Variants in NDUFAF6 observed in about 807,000 individuals in gnomAD.
The protein encoded by NDUFAF6 is NADH dehydrogenase (ubiquinone) complex I, assembly factor 6.
A neutral mutation model predicts 40.8 loss-of-function variants in NDUFAF6; 45 were observed. The observed-to-expected ratio is 1.10, with a 90% CI of 0.87 to 1.42. The LOEUF is 1.42. Among genes scored for constraint, NDUFAF6 ranks in the 40% most tolerant of loss-of-function variants. The pLI is 0.00. For missense variants in NDUFAF6, 435 were observed against 418.5 expected (o/e 1.04, Z -0.34); for synonymous variants, 185 against 155.9 (o/e 1.19, Z -1.39).
In NDUFAF6 at chr8:94,931,336, T is replaced by G. The variant is rs79118914; in HGVS notation, c.-935-14147T>G. Among the ~76,000 whole-genome samples, 1,134 of 152,296 alleles carry G rather than the reference T, an allele frequency of 7.4e-3. 6 individuals carry two copies. Among genetic ancestry groups the G allele is most frequent in the African/African-American group, 0.026 (1,080 of 41,570 alleles). ...TAGAATAAATCTCTTAAGTTTTTCT[T>G]TATCTCACAACAGGGCACATTTTGA... On this transcript the variant is annotated intron_variant, in intron 1 of 14. Coordinates refer to the NDUFAF6 transcript ENST00000396113.
At chr8:95,023,408 AAAAACATTAACTTGG>A (rs1827780129), upstream of NDUFAF6, 1 of 152,394 alleles carries the variant, frequency 6.6e-6, no homozygotes, top group South Asian at 2.1e-4. Context: ...GGGTTTAAAC[AAAAACATTAACTTGG>A]AGTCACAAAG....
chr8:95,007,659 G>GTTTTTTTTTTTTTTTTT (rs553474402), intron 2 of NDUFAF6, among the ~76,000 whole-genome samples: 1 of 103,788 alleles, frequency 9.6e-6, no homozygotes, highest in Non-Finnish European at 1.9e-5. Flanking sequence ...GTGAGGCTCT[G>GTTTTTTTTTTTTTTTTT]TTTTTTTTTT....
At chr8:95,093,572 A>AT (rs974571592) in intron 2 of NDUFAF6, among the ~76,000 whole-genome samples, 5 of 152,126 alleles carry the variant, frequency 3.3e-5, no homozygotes, top group Middle Eastern at 6.3e-3. Context: ...ATTCCAAAAG[A>AT]TTTTTTTATC....
chr8:94,972,202 A>C (rs1824526270), intron 1 of NDUFAF6, among the ~76,000 whole-genome samples: 1 of 152,196 alleles, frequency 6.6e-6, no homozygotes, highest in Non-Finnish European at 1.5e-5. Flanking sequence ...TCCATGGAGT[A>C]GCAAGGCAGA....
At chr8:94,903,359 G>T (rs548130189) in intron 1 of NDUFAF6, among the ~76,000 whole-genome samples, 2 of 151,652 alleles carry the variant, frequency 1.3e-5, no homozygotes, top group East Asian at 1.9e-4. Context: ...ACCCTGTCTC[G>T]AAAAAAACAA....
Position 95,002,976 on chromosome 8 carries a change from A to G in NDUFAF6, c.-84+22003A>G, listed in dbSNP as rs369120336. Among the ~76,000 whole-genome samples the G allele has an allele frequency of 1.1e-4, 16 of 152,264 alleles. 1 individual carries two copies. Among genetic ancestry groups the G allele is most frequent in the African/African-American group, 3.9e-4 (16 of 41,550 alleles). On this transcript the variant is annotated intron_variant, in intron 2 of 9. Coordinates refer to the NDUFAF6 transcript ENST00000396111. The stretch of plus-strand genomic sequence containing the variant: ...ATTGCGTGGAAATTGGCCACAGACA[A>G]CTTCTGGCTTACATCATCTCAGCTG...
intron 2 of NDUFAF6, among the ~76,000 whole-genome samples, chr8:95,016,669 C>G (rs7842703): frequency 0.15 from 22,666 of 152,008 alleles, 1,733 homozygotes; most frequent in Middle Eastern, 0.25. Context: ...TTGAACCCGG[C>G]AGGTGGAGGT....
intron 5 of NDUFAF6, among the ~76,000 whole-genome samples, chr8:95,116,053 G>A (rs886247069): frequency 3.9e-5 from 6 of 152,038 alleles, no homozygotes; most frequent in East Asian, 1.9e-4. Context: ...CGGAAGAATC[G>A]CTTGAACCGG....
At chr8:94,971,028 A>G (rs1307641961) in intron 1 of NDUFAF6, among the ~76,000 whole-genome samples, 1 of 152,236 alleles carries the variant, frequency 6.6e-6, no homozygotes, top group African/African-American at 2.4e-5. Context: ...GTATAAAGAT[A>G]ATTCAGAAAG....
chr8:94,923,143 G>A (rs910276270), intron 1 of NDUFAF6, among the ~76,000 whole-genome samples: 3 of 152,136 alleles, frequency 2.0e-5, no homozygotes, highest in East Asian at 1.9e-4. Context: ...TCTGTAGGCC[G>A]GATAGGAAGG....
At chr8:95,015,024 GAT>G (rs746475606) in intron 2 of NDUFAF6, among the ~76,000 whole-genome samples, 4 of 152,198 alleles carry the variant, frequency 2.6e-5, no homozygotes, top group Non-Finnish European at 5.9e-5. Context: ...AATTTCTAGA[GAT>G]AGTACTCTAA....
At chr8:94,996,113 T>C (rs1826419536) in intron 2 of NDUFAF6, among the ~76,000 whole-genome samples, 1 of 152,198 alleles carries the variant, frequency 6.6e-6, no homozygotes, top group African/African-American at 2.4e-5. Flanking sequence ...ATAGTCAAAA[T>C]AGTGCATCAC....
At chr8:95,052,300 T>C (rs1587160569) in intron 8 of NDUFAF6, 70 bp downstream of exon 8, 1 of 1,522,724 alleles carries the variant, frequency 6.6e-7, no homozygotes, top group Non-Finnish European at 9.1e-7. Context: ...TTATATTTTA[T>C]AAAGTTCCCA....
At chr8:95,073,836 A>T (rs1335236195) in intron 9 of NDUFAF6, among the ~76,000 whole-genome samples, 1 of 152,150 alleles carries the variant, frequency 6.6e-6, no homozygotes, top group Non-Finnish European at 1.5e-5. Flanking sequence ...AAACCTGCCA[A>T]CCAATCCCAA....
chr8:94,970,671 T>C (rs1824395954), intron 1 of NDUFAF6, among the ~76,000 whole-genome samples: 1 of 152,154 alleles, frequency 6.6e-6, no homozygotes, highest in South Asian at 2.1e-4. Context: ...ATTCATACAA[T>C]AGAATATTAA....
chr8:95,082,835 AT>A lies in NDUFAF6; in HGVS notation n.213+7089del, dbSNP rs957666286. ...CCACTACGCCCGGCTAATTTTTTGT[AT>A]TTTTTAGTAGAGACGGGGTTTCACC... On this transcript the variant is annotated intron_variant and non_coding_transcript_variant, in intron 2 of 5. Transcript: ENST00000523184. Among the ~76,000 whole-genome samples the A allele has an allele frequency of 5.9e-5, 9 of 151,858 alleles. No individual in the cohort carries two copies. The South Asian group carries it at 1.2e-3, about 21-fold the overall frequency.
At chr8:94,969,721 A>G (rs945035444) in intron 1 of NDUFAF6, among the ~76,000 whole-genome samples, 3 of 152,246 alleles carry the variant, frequency 2.0e-5, no homozygotes, top group Non-Finnish European at 2.9e-5. Context: ...ATTGATATCA[A>G]TAACCAAACA....
intron 1 of NDUFAF6, chr8:94,940,278 T>G (rs774879019): frequency 1.6e-5 from 24 of 1,525,464 alleles, no homozygotes; most frequent in Non-Finnish European, 2.0e-5. Flanking sequence ...CACAGGAGGA[T>G]GATTATCACA....
downstream of NDUFAF6, among the ~76,000 whole-genome samples, chr8:95,059,442 C>A (rs1832510381): frequency 6.6e-6 from 1 of 152,142 alleles, no homozygotes. Context: ...AATGAATGTG[C>A]AATGTGGTTG....
Sources: allele counts gnomAD v4.1 joint callset (sites outside exome capture counted in the v4.1 genomes callset), GRCh38; gene constraint gnomAD v4.1.1; transcripts MANE v1.5; gene names NCBI Gene and HGNC (gene_info 2026-07-23, HGNC 2026-07-21).